The following TNIK variants were observed in gnomAD, a reference collection of about 807,000 sequenced individuals.
The protein encoded by TNIK is TRAF2 and NCK interacting kinase.
Under a neutral mutation model 191.3 loss-of-function variants are expected in TNIK, and 49 were observed. The observed-to-expected ratio is 0.26, with a 90% CI of 0.20 to 0.32. The LOEUF (loss-of-function observed/expected upper bound fraction) is 0.32, where lower values mean the gene tolerates loss of function less well. Ranked by LOEUF, TNIK falls within the 10% of genes least tolerant of loss-of-function variation. The pLI is 1.00. For missense variants in TNIK, 1,155 were observed against 1,702.3 expected (o/e 0.68, Z 5.66); for synonymous variants, 594 against 600.9 (o/e 0.99, Z 0.17).
intron 17 of TNIK, among the ~76,000 whole-genome samples, chr3:171,124,405 G>A (rs1309988488): frequency 6.6e-6 from 1 of 152,104 alleles, no homozygotes; most frequent in Non-Finnish European, 1.5e-5. Context: ...GTACCAATAA[G>A]ACTTGAGGAA....
intron 2 of TNIK, among the ~76,000 whole-genome samples, chr3:171,237,123 A>G (rs1022347055): frequency 6.6e-6 from 1 of 152,188 alleles, no homozygotes; most frequent in Non-Finnish European, 1.5e-5. Context: ...ATGAGAAAAA[A>G]CAAAGGCAAA....
chr3:171,244,225 C>T (rs181893663), intron 2 of TNIK, among the ~76,000 whole-genome samples: 4,046 of 151,912 alleles, frequency 0.027, 85 homozygotes, highest in South Asian at 0.07. Flanking sequence ...CCACCACGCC[C>T]GGCTAATTTT....
intron 32 of TNIK, among the ~76,000 whole-genome samples, chr3:171,065,124 G>T (rs566910354): frequency 1.1e-4 from 16 of 152,204 alleles, no homozygotes; most frequent in Non-Finnish European, 2.4e-4. Flanking sequence ...CAGCCCTGCT[G>T]GGGTAGGTTT....
At chr3:171,178,582 G>A (rs1437583789) in intron 7 of TNIK, among the ~76,000 whole-genome samples, 1 of 152,112 alleles carries the variant, frequency 6.6e-6, no homozygotes, top group Non-Finnish European at 1.5e-5. Context: ...CTCTGTCTGT[G>A]GCTCAGTAGT....
At chr3:171,353,819 A>G (rs1446420857) in intron 2 of TNIK, among the ~76,000 whole-genome samples, 1 of 152,236 alleles carries the variant, frequency 6.6e-6, no homozygotes, top group Admixed American at 6.5e-5. Flanking sequence ...AAGCTGAGTT[A>G]AAAAGTTAAC....
intron 2 of TNIK, among the ~76,000 whole-genome samples, chr3:171,325,437 AAC>A (rs1755645183): frequency 6.6e-6 from 1 of 152,186 alleles, no homozygotes; most frequent in Admixed American, 6.5e-5. Context: ...AACTTCAGGA[AAC>A]ACAATTAAAT....
rs13320277 is a variant in TNIK at position 171,270,567 on chromosome 3, C to T, written c.124-42346G>A. 6.3e-3 allele frequency among the ~76,000 whole-genome samples: 957 copies of T among 152,278 alleles called. 12 individuals carry two copies. Among genetic ancestry groups the T allele is most frequent in the African/African-American group, 0.022 (918 of 41,570 alleles). ...ACCCAAAGTAAAATTCGTCTCTAAT[C>T]GCCAACTATCTTTCTCAAATTCTCC... On this transcript the variant is annotated intron_variant, in intron 2 of 32. Coordinates refer to ENST00000436636, the MANE Select transcript of TNIK (RefSeq NM_015028.4).
chr3:171,374,289 T>TA (rs1404772159), intron 1 of TNIK, among the ~76,000 whole-genome samples: 5 of 152,116 alleles, frequency 3.3e-5, no homozygotes, highest in Non-Finnish European at 5.9e-5. Flanking sequence ...ATTCCCAGCT[T>TA]AAAAAAATAA....
chr3:171,221,489 T>C (rs1314096271), intron 3 of TNIK, among the ~76,000 whole-genome samples: 1 of 152,152 alleles, frequency 6.6e-6, no homozygotes, highest in Non-Finnish European at 1.5e-5. Context: ...AGTTTCTTCT[T>C]AAATTCTCTC....
rs535696628 is a variant in TNIK at position 171,153,558 on chromosome 3, C to T, written c.1221+3902G>A. Among the ~76,000 whole-genome samples, 5 of 152,300 alleles carry T rather than the reference C, an allele frequency of 3.3e-5. No individual in the cohort carries two copies. The South Asian group carries it at 6.2e-4, about 19-fold the overall frequency. On this transcript the variant is annotated intron_variant, in intron 12 of 32. Transcript: ENST00000436636. ...CTCCACCATCATCTGTCCAAAGCAT[C>T]ACACTCTCTGGCCTAGACTAACTTG...
In TNIK at chr3:171,091,513, C is replaced by T. The variant is rs115999551; in HGVS notation, c.2721+2326G>A. On this transcript the variant is annotated intron_variant, in intron 23 of 32. Transcript: ENST00000436636. Reference sequence around the variant, plus strand: ...ATCCTAGCGTTTTGGGAGGTCAAGGCGGGCAGATTGCCTGAGCTCAGGAGT... The same window carrying T: ...ATCCTAGCGTTTTGGGAGGTCAAGGTGGGCAGATTGCCTGAGCTCAGGAGT... Among the ~76,000 whole-genome samples the T allele has an allele frequency of 4.3e-3, 651 of 152,138 alleles. 3 individuals carry two copies. The highest frequency in any genetic ancestry group is 0.013 in the African/African-American group (527 of 41,492).
At chr3:171,145,780 T>TC (rs33970038) in intron 12 of TNIK, among the ~76,000 whole-genome samples, 3 of 103,584 alleles carry the variant, frequency 2.9e-5, no homozygotes, top group African/African-American at 1.5e-4. Context: ...CAGTCTTTCC[T>TC]TTTTTTTTTT....
chr3:171,426,081 T>C (rs1724527790), intron 1 of TNIK, among the ~76,000 whole-genome samples: 1 of 152,104 alleles, frequency 6.6e-6, no homozygotes, highest in Non-Finnish European at 1.5e-5. Context: ...ATATAAATCA[T>C]GCTGCTATAA....
At chr3:171,203,230 C>A (rs149043384) in intron 4 of TNIK, among the ~76,000 whole-genome samples, 2 of 152,080 alleles carry the variant, frequency 1.3e-5, no homozygotes, top group African/African-American at 4.8e-5. Context: ...AATGTAAATC[C>A]AAAATACTGC....
chr3:171,154,876 C>T (rs146066137), intron 12 of TNIK, among the ~76,000 whole-genome samples: 40 of 152,328 alleles, frequency 2.6e-4, no homozygotes, highest in Middle Eastern at 3.4e-3. Context: ...CCTGAAGCCA[C>T]GTCCTTTTCA....
At chr3:171,131,337 C>CG (rs1729247306) in intron 15 of TNIK, among the ~76,000 whole-genome samples, 1 of 23,138 alleles carries the variant, frequency 4.3e-5, no homozygotes, top group East Asian at 3.5e-3. Flanking sequence ...GACTCCGTCT[C>CG]AAAAAAAAAA....
At chr3:171,190,890 C>A in intron 5 of TNIK, 103 bp from the exon 6 acceptor site, 1 of 734,280 alleles carries the variant, frequency 1.4e-6, no homozygotes, top group South Asian at 2.1e-5. Flanking sequence ...CTCACCCAGA[C>A]ATACTTTTCA....
intron 27 of TNIK, among the ~76,000 whole-genome samples, chr3:171,080,830 T>G (rs1720584327): frequency 6.6e-6 from 1 of 152,230 alleles, no homozygotes. Context: ...GTGGTCAGTA[T>G]TCAATTTTGT....
chr3:171,167,762 A>G (rs1005816838), intron 9 of TNIK, among the ~76,000 whole-genome samples: 1 of 152,236 alleles, frequency 6.6e-6, no homozygotes, highest in African/African-American at 2.4e-5. Context: ...CAGAAGATGC[A>G]AGCTGGAGGA....
Sources: gnomAD v4.1 joint callset for allele counts (sites outside exome capture counted in the v4.1 genomes callset) on GRCh38, gnomAD v4.1.1 for gene constraint, MANE v1.5 for transcripts, NCBI Gene and HGNC (gene_info 2026-07-23, HGNC 2026-07-21) for gene names.